The following MYO5A variants were observed in gnomAD, a reference collection of about 807,000 sequenced individuals.
The protein encoded by MYO5A is unconventional myosin-Va.
Under a neutral mutation model 249.7 loss-of-function variants are expected in MYO5A, and 98 were observed. That is an observed-to-expected ratio of 0.39 (90% CI 0.33 to 0.46). The LOEUF (loss-of-function observed/expected upper bound fraction) is 0.46. Among genes scored for constraint, MYO5A ranks in the 20% least tolerant of loss-of-function variants. MYO5A has a pLI of 0.98. For synonymous variants in MYO5A, 778 were observed against 810.6 expected, an observed-to-expected ratio of 0.96 and a Z score of 0.68; for missense variants, 1,696 against 2,308.8, an observed-to-expected ratio of 0.73 and a Z score of 5.44.
At chr15:52,395,113 C>T (rs958698293) in intron 11 of MYO5A, among the ~76,000 whole-genome samples, 1 of 152,202 alleles carries the variant, frequency 6.6e-6, no homozygotes, top group Non-Finnish European at 1.5e-5. Flanking sequence ...CCCAATCTCG[C>T]TCCCTGGAGG....
intron 1 of MYO5A, among the ~76,000 whole-genome samples, chr15:52,456,462 C>T (rs1216032913): frequency 6.6e-6 from 1 of 151,778 alleles, no homozygotes; most frequent in Non-Finnish European, 1.5e-5. Flanking sequence ...AACAGAAAAA[C>T]AATCCTAAAA....
In MYO5A at chr15:52,340,226, G is replaced by C. The variant is rs751757998; in HGVS notation, c.4209C>G (p.His1403Gln). 3 of 1,614,148 alleles carry C rather than the reference G, an allele frequency of 1.9e-6. No homozygotes were observed. Among genetic ancestry groups the C allele is most frequent in the East Asian group, 2.2e-5 (1 of 44,882 alleles). The change falls in exon 32 of 42, where the codon CAC (histidine) becomes CAG (glutamine). Residue 1403 changes from histidine to glutamine, a missense_variant. By Grantham distance (24) the His-to-Gln change is conservative (BLOSUM62 0). Transcript: ENST00000399233. ...TTTCGTTGGTCAGCCGGGTGATCTC[G>C]TGCTGCAGGCTGGCCTCAATGCGGG... ...PEARIEASLQ[H>Q]EITRLTNENL... is the part of the protein sequence containing the mutation.
chr15:52,503,280 A>C (rs1209633997), intron 1 of MYO5A, among the ~76,000 whole-genome samples: 1 of 152,218 alleles, frequency 6.6e-6, no homozygotes, highest in Non-Finnish European at 1.5e-5. Flanking sequence ...CAATGTATTA[A>C]ATTATAACAT....
In MYO5A at chr15:52,372,335, A is replaced by G. The variant is rs1205375695; in HGVS notation, c.2606T>C (p.Ile869Thr). 6.2e-7 allele frequency: 1 copy of G among 1,604,468 alleles called. No homozygotes were observed. Among genetic ancestry groups the G allele is most frequent in the Non-Finnish European group, 8.5e-7 (1 of 1,179,960 alleles). The change falls in exon 21 of 42, where the codon ATT (isoleucine) becomes ACT (threonine). Residue 869 changes from isoleucine to threonine, a missense_variant. Transcript: ENST00000399233. ...CAGCCAGCCCCGGACTCGCTTCTGA[A>G]TGATGACTGCTTTGTGCTCACGGAG... Reference protein sequence around the residue: ...KILREHKAVIIQKRVRGWLAR... With the variant: ...KILREHKAVITQKRVRGWLAR...
intron 1 of MYO5A, among the ~76,000 whole-genome samples, chr15:52,477,964 C>T (rs891553903): frequency 6.6e-6 from 1 of 152,224 alleles, no homozygotes. Flanking sequence ...TTTAAGTCTG[C>T]AGAAGTTTCT....
intron 1 of MYO5A, chr15:52,435,734 C>T (rs1044995725): frequency 4.6e-6 from 2 of 437,168 alleles, no homozygotes; most frequent in Non-Finnish European, 9.0e-6. Context: ...AACTTTTAGT[C>T]TTGACAAGTA....
chr15:52,477,391 T>C (rs1186915814), intron 1 of MYO5A, among the ~76,000 whole-genome samples: 3 of 152,224 alleles, frequency 2.0e-5, no homozygotes, highest in African/African-American at 4.8e-5. Flanking sequence ...GAAGCCTTCT[T>C]CTCTCAACTC....
At chr15:52,317,758 G>C (rs1596270633) in intron 39 of MYO5A, among the ~76,000 whole-genome samples, 4 of 152,196 alleles carry the variant, frequency 2.6e-5, no homozygotes, top group African/African-American at 9.6e-5. Context: ...GGGATGAAAG[G>C]AGAGAGAGGC....
chr15:52,464,858 C>T (rs567485287), intron 1 of MYO5A, among the ~76,000 whole-genome samples: 1 of 152,296 alleles, frequency 6.6e-6, no homozygotes, highest in African/African-American at 2.4e-5. Flanking sequence ...ACAACTCCTG[C>T]TTATGATTAG....
intron 1 of MYO5A, among the ~76,000 whole-genome samples, chr15:52,471,126 G>T (rs1199555958): frequency 1.3e-5 from 2 of 152,054 alleles, no homozygotes; most frequent in Non-Finnish European, 2.9e-5. Context: ...TCCCTTCAAG[G>T]CTCATGGATT....
chr15:52,421,680 C>A (rs1236659893), intron 4 of MYO5A, among the ~76,000 whole-genome samples: 2 of 152,092 alleles, frequency 1.3e-5, no homozygotes, highest in Non-Finnish European at 2.9e-5. Flanking sequence ...ACCATGGTCT[C>A]CCCTCAATTA....
At chr15:52,378,617 A>T (rs2141117270) in intron 18 of MYO5A, among the ~76,000 whole-genome samples, 1 of 151,428 alleles carries the variant, frequency 6.6e-6, no homozygotes, top group Non-Finnish European at 1.5e-5. Context: ...TCTTTCAAGG[A>T]AAAAATATTA....
At chr15:52,471,364 G>A (rs972225994) in intron 1 of MYO5A, among the ~76,000 whole-genome samples, 1 of 152,194 alleles carries the variant, frequency 6.6e-6, no homozygotes, top group Non-Finnish European at 1.5e-5. Flanking sequence ...AGCACTCTGA[G>A]AGACCAAGGT....
chr15:52,523,731 C>G (rs1426471204), intron 1 of MYO5A, among the ~76,000 whole-genome samples: 1 of 152,096 alleles, frequency 6.6e-6, no homozygotes, highest in Non-Finnish European at 1.5e-5. Context: ...GGTTTCCAAG[C>G]TGCGGAACTA....
rs777833837 is a variant in MYO5A at position 52,351,268 on chromosome 15, C to T, written c.3835G>A (p.Ala1279Thr). ...CTTGCGCTTACCTTGGGTTGGATGG[C>T]CTCTTTCTGGCTCACCAGTTGAGAC... ...LRSQLVSQKE[A>T]IQPKDDKNTM... is the part of the protein sequence containing the mutation. Residue 1279 changes from alanine to threonine, a missense_variant, in exon 28 of 42, where the codon GCC becomes ACC. This residue lies in a region of MYO5A where 625 missense variants were observed against 908.1 expected (regional missense o/e 0.69). Coordinates refer to ENST00000399233, the MANE Select transcript of MYO5A (RefSeq NM_001382347.1). The T allele has an allele frequency of 6.1e-5, 99 of 1,614,012 alleles. No homozygotes were observed. The highest frequency in any genetic ancestry group is 8.2e-5 in the Non-Finnish European group (97 of 1,180,010).
intron 1 of MYO5A, among the ~76,000 whole-genome samples, chr15:52,458,340 C>T (rs1240819472): frequency 6.6e-6 from 1 of 152,160 alleles, no homozygotes; most frequent in Non-Finnish European, 1.5e-5. Context: ...CTTTGAAAGG[C>T]CGAGGCAAGT....
At chr15:52,417,762 G>A (rs1009649117) in intron 4 of MYO5A, among the ~76,000 whole-genome samples, 3 of 152,168 alleles carry the variant, frequency 2.0e-5, no homozygotes, top group Admixed American at 6.5e-5. Flanking sequence ...ACATGCTCAT[G>A]TGCCCTCCTA....
chr15:52,452,731 C>G (rs1351762078), intron 1 of MYO5A, among the ~76,000 whole-genome samples: 2 of 151,768 alleles, frequency 1.3e-5, no homozygotes, highest in Admixed American at 1.3e-4. Flanking sequence ...TCCTGTAATC[C>G]CAGCTACTCA....
At chr15:52,528,023 CCT>C (rs1422322226) in intron 1 of MYO5A, among the ~76,000 whole-genome samples, 1 of 152,128 alleles carries the variant, frequency 6.6e-6, no homozygotes, top group Non-Finnish European at 1.5e-5. Flanking sequence ...ATCGCCAGAC[CCT>C]GAGTATATTG....
Sources: allele counts gnomAD v4.1 joint callset (sites outside exome capture counted in the v4.1 genomes callset), GRCh38; gene constraint gnomAD v4.1.1; regional missense constraint gnomAD v4.1.1; transcripts MANE v1.5; gene names NCBI Gene and HGNC (gene_info 2026-07-23, HGNC 2026-07-21).